Variants in TCERG1L observed in about 807,000 individuals in gnomAD.
The protein encoded by TCERG1L is transcription elongation regulator 1 like.
TCERG1L carries 37 observed loss-of-function variants against 56.3 expected under a neutral mutation model. The observed-to-expected ratio is 0.66, with a 90% CI of 0.51 to 0.87. TCERG1L has a LOEUF of 0.87. Ranked by LOEUF, TCERG1L falls within the 40% of genes least tolerant of loss-of-function variation. The pLI, the probability that TCERG1L is intolerant of heterozygous loss-of-function variation, is 0.00. For synonymous variants in TCERG1L, 324 were observed against 326.3 expected, an observed-to-expected ratio of 0.99 and a Z score of 0.08; for missense variants, 799 against 774.2, an observed-to-expected ratio of 1.03 and a Z score of -0.38.
At chr10:131,107,600 G>A (rs753481214) in intron 9 of TCERG1L, among the ~76,000 whole-genome samples, 1 of 152,112 alleles carries the variant, frequency 6.6e-6, no homozygotes, top group Non-Finnish European at 1.5e-5. Flanking sequence ...CTCCCAAAGG[G>A]TCCTGACAGG....
intron 3 of TCERG1L, among the ~76,000 whole-genome samples, chr10:131,271,321 C>G (rs1339779209): frequency 6.6e-6 from 1 of 152,228 alleles, no homozygotes; most frequent in Non-Finnish European, 1.5e-5. Context: ...AGCACACCCA[C>G]ACGCAGCTGG....
intron 8 of TCERG1L, among the ~76,000 whole-genome samples, chr10:131,123,489 A>C (rs1016098116): frequency 2.6e-5 from 4 of 152,114 alleles, no homozygotes; most frequent in African/African-American, 9.7e-5. Context: ...AGAATGTTCT[A>C]GAGACAGTGG....
At chr10:131,122,639 C>A (rs994779894) in intron 8 of TCERG1L, among the ~76,000 whole-genome samples, 4 of 152,178 alleles carry the variant, frequency 2.6e-5, no homozygotes, top group Non-Finnish European at 4.4e-5. Context: ...TGCGTTGTCA[C>A]CTCGATCATA....
chr10:131,200,701 C>T (rs1476323839), intron 4 of TCERG1L, among the ~76,000 whole-genome samples: 3 of 152,234 alleles, frequency 2.0e-5, no homozygotes, highest in South Asian at 2.1e-4. Context: ...CAAGTTAAAA[C>T]GTTTGGAATT....
Position 131,285,790 on chromosome 10 carries a change from G to A in TCERG1L, c.670+22421C>T, listed in dbSNP as rs76116933. 1.8e-3 allele frequency among the ~76,000 whole-genome samples: 273 copies of A among 152,154 alleles called. 2 individuals are homozygous for A. The highest frequency in any genetic ancestry group is 6.2e-3 in the African/African-American group (257 of 41,520). ...AACAGATTAAAAAAAGAAAAATGTG[G>A]CTATCTTAATCTAAAAAGGTAAAAC... On this transcript the variant is annotated intron_variant, in intron 3 of 11. Coordinates refer to ENST00000368642, the MANE Select transcript of TCERG1L (RefSeq NM_174937.4).
chr10:131,182,523 C>T (rs1239583802), intron 4 of TCERG1L, among the ~76,000 whole-genome samples: 3 of 152,242 alleles, frequency 2.0e-5, no homozygotes, highest in Non-Finnish European at 2.9e-5. Flanking sequence ...ATACTTAGGG[C>T]ACCTGCCCTT....
intron 5 of TCERG1L, among the ~76,000 whole-genome samples, chr10:131,165,441 G>T (rs994995254): frequency 6.6e-6 from 1 of 152,140 alleles, no homozygotes; most frequent in African/African-American, 2.4e-5. Flanking sequence ...CTTTAAGTTT[G>T]TAAGTTTACG....
At chr10:131,177,316 C>T (rs976792349) in intron 4 of TCERG1L, among the ~76,000 whole-genome samples, 13 of 152,382 alleles carry the variant, frequency 8.5e-5, no homozygotes, top group African/African-American at 2.6e-4. Flanking sequence ...GCTTTTCGGC[C>T]ACCTGTCACA....
chr10:131,241,747 A>G (rs1308300403), intron 4 of TCERG1L, among the ~76,000 whole-genome samples: 1 of 152,196 alleles, frequency 6.6e-6, no homozygotes, highest in East Asian at 1.9e-4. Context: ...ATACATATAC[A>G]TGCTTATGTA....
At chr10:131,227,938 T>C (rs892633339) in intron 4 of TCERG1L, among the ~76,000 whole-genome samples, 11 of 152,170 alleles carry the variant, frequency 7.2e-5, no homozygotes, top group African/African-American at 2.7e-4. Flanking sequence ...TCCTGCTCCC[T>C]GGCTGAGTGC....
intron 9 of TCERG1L, among the ~76,000 whole-genome samples, chr10:131,112,996 G>C (rs1445644742): frequency 1.4e-5 from 2 of 142,242 alleles, no homozygotes. Flanking sequence ...GGCCCCGGGT[G>C]GACCCGGGTA....
chr10:131,276,536 G>A (rs535873974), intron 3 of TCERG1L, among the ~76,000 whole-genome samples: 91 of 152,302 alleles, frequency 6.0e-4, no homozygotes, highest in Middle Eastern at 3.4e-3. Flanking sequence ...TCCCTTGGCA[G>A]TAACAGAGCA....
intron 4 of TCERG1L, among the ~76,000 whole-genome samples, chr10:131,178,648 G>A (rs1845137450): frequency 6.6e-6 from 1 of 152,092 alleles, no homozygotes. Context: ...CCAGCACCTG[G>A]GAGACATGTG....
At chr10:131,244,441 C>T (rs1846007645) in intron 4 of TCERG1L, among the ~76,000 whole-genome samples, 1 of 151,920 alleles carries the variant, frequency 6.6e-6, no homozygotes, top group African/African-American at 2.4e-5. Flanking sequence ...AGTGGGGGTG[C>T]TTTGGGAGTA....
At chr10:131,143,475 C>A (rs1000554379) in intron 7 of TCERG1L, among the ~76,000 whole-genome samples, 2 of 152,156 alleles carry the variant, frequency 1.3e-5, no homozygotes, top group Non-Finnish European at 2.9e-5. Flanking sequence ...TCCAACAATT[C>A]CCACCAGGCT....
At position 131,110,891 on chromosome 10, in the gene TCERG1L, G is replaced by A. The variant is rs1434691869; in HGVS notation, c.1395+5908C>T. The stretch of plus-strand genomic sequence containing the variant: ...GTGCCCCATGCGTGTGATGGCTCCC[G>A]GAGGTTATCACGGACAGGACACGAC... On this transcript the variant is annotated intron_variant, in intron 9 of 11. Coordinates refer to ENST00000368642, the MANE Select transcript of TCERG1L (RefSeq NM_174937.4). Among the ~76,000 whole-genome samples the A allele has an allele frequency of 2.8e-5, 3 of 106,114 alleles. 1 individual carries two copies. Among genetic ancestry groups the A allele is most frequent in the Non-Finnish European group, 6.9e-5 (3 of 43,268 alleles). The allele number at this position is 106,114 out of a possible 152,430, so 69.6% of individuals were successfully genotyped here. A position where few individuals can be genotyped will look rare whatever the true frequency, so the allele number is the denominator to read the frequency against.
At chr10:131,221,212 A>G (rs1159498780) in intron 4 of TCERG1L, among the ~76,000 whole-genome samples, 1 of 152,192 alleles carries the variant, frequency 6.6e-6, no homozygotes, top group African/African-American at 2.4e-5. Flanking sequence ...ACCCGCCAAG[A>G]GCCGCAGCTC....
chr10:131,297,007 T>C (rs953894958), intron 3 of TCERG1L, among the ~76,000 whole-genome samples: 1 of 152,248 alleles, frequency 6.6e-6, no homozygotes, highest in African/African-American at 2.4e-5. Context: ...AGATAGTCTA[T>C]ATCGTCATTT....
chr10:131,202,791 G>T (rs1313573859), intron 4 of TCERG1L, among the ~76,000 whole-genome samples: 1 of 152,132 alleles, frequency 6.6e-6, no homozygotes, highest in African/African-American at 2.4e-5. Flanking sequence ...AGAAGAATAG[G>T]GTTGGGAGGA....
Sources: gnomAD v4.1 joint callset for allele counts (sites outside exome capture counted in the v4.1 genomes callset) on GRCh38, gnomAD v4.1.1 for gene constraint, MANE v1.5 for transcripts, NCBI Gene and HGNC (gene_info 2026-07-23, HGNC 2026-07-21) for gene names.